SGK2: variants seen among roughly 807,000 people sequenced by gnomAD.
SGK2 encodes serum/glucocorticoid regulated kinase 2, also known as serine/threonine-protein kinase Sgk2.
Under a neutral mutation model 47.5 loss-of-function variants are expected in SGK2, and 36 were observed. That is an observed-to-expected ratio of 0.76 (90% confidence interval 0.58 to 1.00). SGK2 has a LOEUF of 1.00. Among genes scored for constraint, SGK2 ranks in the 50% least tolerant of loss-of-function variants. SGK2 has a pLI of 0.00. For missense variants in SGK2, 404 were observed against 467.4 expected, an observed-to-expected ratio of 0.86 and a Z score of 1.25; for synonymous variants, 157 against 181.9, an observed-to-expected ratio of 0.86 and a Z score of 1.10.
intron 12 of SGK2, chr20:43,583,055 A>G (rs1159643092): frequency 1.5e-5 from 9 of 607,460 alleles, no homozygotes; most frequent in Non-Finnish European, 4.9e-6. Context: ...CCTGTAAAGC[A>G]TGGTGCCAAG....
rs189292022 is a variant in SGK2 at position 43,572,751 on chromosome 20, G to C, written c.597+614G>C. 1.3e-5 allele frequency among the ~76,000 whole-genome samples: 2 copies of C among 152,228 alleles called. No homozygotes were observed. The highest frequency in any genetic ancestry group is 2.9e-5 in the Non-Finnish European group (2 of 68,008). On this transcript the variant is annotated intron_variant, in intron 9 of 12. Transcript: ENST00000373100. This position sits in a 1 kb window ranked among gnomAD's most constrained non-coding sequence, Gnocchi z 4.2. The stretch of plus-strand genomic sequence containing the variant: ...AACTTCCAGCAGCCACATTTAAAAA[G>C]TAAGAAAGTAACAGGTGAAATTAAT...
Position 43,567,727 on chromosome 20 carries a change from G to A in SGK2, c.144+5G>A. The A allele has an allele frequency of 6.2e-7, 1 of 1,614,060 alleles. No homozygotes were observed. Among genetic ancestry groups the A allele is most frequent in the Non-Finnish European group, 8.5e-7 (1 of 1,179,988 alleles). On this transcript the variant is annotated splice_donor_5th_base_variant and intron_variant, in intron 4 of 12. Transcript: ENST00000373100. ...GGCAAAGGGAACTACGGGAAGGTGAGTGACTTGGTGAGGGTGGGAAGCCTG... is the reference window on the plus strand; with the variant it reads ...GGCAAAGGGAACTACGGGAAGGTGAATGACTTGGTGAGGGTGGGAAGCCTG...
chr20:43,566,236 C>A, intron 1 of SGK2: 1 of 1,155,622 alleles, frequency 8.7e-7, no homozygotes, highest in Non-Finnish European at 1.2e-6. Flanking sequence ...AGGGGCCACA[C>A]CCTGACCATC....
chr20:43,559,225 A>G (rs963458253), intron 1 of SGK2, 66 bp downstream of exon 1: 1 of 152,210 alleles, frequency 6.6e-6, no homozygotes, highest in Non-Finnish European at 1.5e-5. Context: ...TTGACTAGTT[A>G]CCTAGCTAAC....
chr20:43,570,949 C>G, intron 7 of SGK2, 75 bp from the exon 8 acceptor site: 1 of 1,607,566 alleles, frequency 6.2e-7, no homozygotes, highest in Admixed American at 1.7e-5. Context: ...CCAGGACCAC[C>G]CCCCGCCCAG....
At position 43,570,810 on chromosome 20, in the gene SGK2, G is replaced by A. The variant is rs1031366243; in HGVS notation, c.473+81G>A. 3.1e-6 allele frequency: 4 copies of A among 1,311,156 alleles called. No homozygotes were observed. In the African/African-American group the frequency reaches 5.9e-5, roughly 19 times the overall value. 81.2% of individuals were successfully genotyped at this position (1,311,156 alleles called of 1,614,324 possible). A position where few individuals can be genotyped will look rare whatever the true frequency, so the allele number is the denominator to read the frequency against. On this transcript the variant is annotated intron_variant, in intron 7 of 12. Transcript: ENST00000373100. ...AGGGGTTGTGTGGACACTAAATCCT[G>A]ATGAAATCCTGGTGGACTTGGTCCT...
At chr20:43,574,351 C>T (rs1980339888) in intron 9 of SGK2, among the ~76,000 whole-genome samples, 1 of 152,222 alleles carries the variant, frequency 6.6e-6, no homozygotes, top group South Asian at 2.1e-4. Context: ...TCCTTCCTGA[C>T]CCTCTCGTCT....
chr20:43,570,666 G>A lies in SGK2; in HGVS notation c.410G>A (p.Arg137Lys). The A allele has an allele frequency of 6.2e-7, 1 of 1,613,082 alleles. No homozygotes were observed. The highest frequency in any genetic ancestry group is 8.5e-7 in the Non-Finnish European group (1 of 1,179,152). The change falls in exon 7 of 13, where the codon AGG becomes AAG. Residue 137 changes from arginine to lysine, a missense_variant. Transcript: ENST00000373100. The part of the protein sequence containing the change: ...RERRFLEPRA[R>K]FYAAEVASAI... ...CGCCGGTTCCTGGAGCCCCGGGCCA[G>A]GTTCTACGCTGCTGAGGTGGCCAGC...
chr20:43,574,596 G>A (rs1385615611), intron 9 of SGK2, among the ~76,000 whole-genome samples: 2 of 152,218 alleles, frequency 1.3e-5, no homozygotes, highest in Non-Finnish European at 2.9e-5. Flanking sequence ...AACTAGTGTT[G>A]CGGCTTGGTG....
intron 1 of SGK2, among the ~76,000 whole-genome samples, chr20:43,561,722 ACC>A (rs1979396400): frequency 1.3e-5 from 2 of 151,754 alleles, no homozygotes; most frequent in Non-Finnish European, 2.9e-5. Context: ...GTGTTGAGAA[ACC>A]ACTGGAGTTT....
At chr20:43,575,223 G>A (rs1168335717) in intron 10 of SGK2, among the ~76,000 whole-genome samples, 1 of 152,142 alleles carries the variant, frequency 6.6e-6, no homozygotes, top group Admixed American at 6.5e-5. Flanking sequence ...AGAACTTTGG[G>A]AGGCTAAGGC....
Position 43,570,718 on chromosome 20 carries a change from C to G in SGK2, c.462C>G (p.Asn154Lys). 1.9e-6 allele frequency: 3 copies of G among 1,611,838 alleles called. No homozygotes were observed. The highest frequency in any genetic ancestry group is 2.5e-6 in the Non-Finnish European group (3 of 1,178,086). The change falls in exon 7 of 13, where the codon AAC (asparagine) becomes AAG (lysine). Residue 154 changes from asparagine to lysine, a missense_variant. Physicochemically the swap from Asn to Lys is moderately conservative, Grantham distance 94 (BLOSUM62 0). Transcript: ENST00000373100. ...CCATTGGCTACCTGCACTCCCTCAA[C>G]ATCATTTACAGGTGAGGCCTGCCTG... ...ASAIGYLHSL[N>K]IIYRDLKPEN...
chr20:43,584,937 T>C lies in SGK2; in HGVS notation c.1025T>C (p.Val342Ala), dbSNP rs777516703. ...SKSIGCTPDT[V>A]ASSSGASSAF... ...TCCATTGGCTGTACCCCTGACACTG[T>C]GGCCAGCAGCTCTGGGGCCTCAAGT... Residue 342 changes from valine (V) to alanine (A), a missense_variant, in exon 13 of 13, where the codon GTG becomes GCG. Coordinates refer to ENST00000373100, the MANE Select transcript of SGK2 (RefSeq NM_170693.3). The C allele has an allele frequency of 6.2e-7, 1 of 1,614,166 alleles. No individual in the cohort carries two copies. The highest frequency in any genetic ancestry group is 1.7e-5 in the Admixed American group (1 of 60,012).
intron 12 of SGK2, among the ~76,000 whole-genome samples, chr20:43,580,750 G>C (rs1427318182): frequency 2.0e-5 from 3 of 149,054 alleles, no homozygotes; most frequent in African/African-American, 7.4e-5. Context: ...AAAAAAAAAG[G>C]GAATGTATGT....
Position 43,567,610 on chromosome 20 carries a change from C to T in SGK2, c.87-55C>T, listed in dbSNP as rs1268117196. The stretch of plus-strand genomic sequence containing the variant: ...AAAGAAGCCCAGGTTTGTTCTCAGG[C>T]ACCAGGTTTCCAGACATTGCAAATG... On this transcript the variant is annotated intron_variant, in intron 3 of 12. Coordinates refer to ENST00000373100, the MANE Select transcript of SGK2 (RefSeq NM_170693.3). 33 of 1,532,702 alleles carry T rather than the reference C, an allele frequency of 2.2e-5. No homozygotes were observed. In the South Asian group the frequency reaches 3.6e-4, roughly 17 times the overall value. The allele number at this position is 1,532,702 out of a possible 1,614,324, so 94.9% of individuals were successfully genotyped here. A position where few individuals can be genotyped will look rare whatever the true frequency, so the allele number is the denominator to read the frequency against.
chr20:43,567,781 C>A, intron 4 of SGK2, 59 bp downstream of exon 4: 1 of 1,579,630 alleles, frequency 6.3e-7, no homozygotes, highest in Non-Finnish European at 8.7e-7. Flanking sequence ...CTCTTCCAGC[C>A]CCTGCTGCCA....
At chr20:43,570,973 C>A (rs944978860) in intron 7 of SGK2, 51 bp from the exon 8 acceptor site, 1 of 1,611,974 alleles carries the variant, frequency 6.2e-7, no homozygotes, top group Admixed American at 1.7e-5. Context: ...TCCAACTCTC[C>A]TCACTAAATG....
At position 43,563,135 on chromosome 20, in the gene SGK2, C is replaced by CAAAAA. The variant is rs796539305; in HGVS notation, c.-23-3328_-23-3324dup. ...TGGGTGACAGAGCAAGACTCTGTCT[C>CAAAAA]AAAAAAAAAAAAAAGAAAGAAAGAA... On this transcript the variant is annotated intron_variant, in intron 1 of 12. Transcript: ENST00000373100. 1.3e-4 allele frequency among the ~76,000 whole-genome samples: 9 copies of CAAAAA among 70,650 alleles called. No homozygotes were observed. The Middle Eastern group carries it at 0.024, about 187-fold the overall frequency. 46.3% of individuals were successfully genotyped at this position (70,650 alleles called of 152,430 possible). A position where few individuals can be genotyped will look rare whatever the true frequency, so the allele number is the denominator to read the frequency against.
chr20:43,572,284 C>T lies in SGK2; in HGVS notation c.597+147C>T, dbSNP rs759619968. On this transcript the variant is annotated intron_variant, in intron 9 of 12. Transcript: ENST00000373100. The surrounding 1 kb of genome is among the most constrained non-coding windows in gnomAD (Gnocchi z 4.2). ...GGGCTATACACTGAACTGTGGTTTC[C>T]TCATCTATGTAATGGGGGTACCAGC... The T allele has an allele frequency of 3.2e-6, 2 of 633,738 alleles. No individual in the cohort carries two copies. Among genetic ancestry groups the T allele is most frequent in the South Asian group, 2.0e-5 (1 of 49,092 alleles). 39.3% of individuals were successfully genotyped at this position (633,738 alleles called of 1,614,324 possible).
Sources: allele counts gnomAD v4.1 joint callset (sites outside exome capture counted in the v4.1 genomes callset), GRCh38; gene constraint gnomAD v4.1.1; non-coding constraint Gnocchi (gnomAD v3.1); transcripts MANE v1.5; gene names NCBI Gene and HGNC (gene_info 2026-07-23, HGNC 2026-07-21).